The following AKIRIN2 variants were observed in gnomAD, a reference collection of about 807,000 sequenced individuals.
AKIRIN2 encodes akirin-2.
A neutral mutation model predicts 29.3 loss-of-function variants in AKIRIN2; 6 were observed. The ratio of observed to expected loss-of-function variants is 0.20; its 90% confidence interval spans 0.11 to 0.40. AKIRIN2 has a LOEUF of 0.40. Ranked by LOEUF, AKIRIN2 falls within the 10% of genes least tolerant of loss-of-function variation. The probability of loss-of-function intolerance (pLI) is 1.00; values close to 1 mark genes in which losing one functional copy is unlikely to be tolerated. For synonymous variants in AKIRIN2, 128 were observed against 117.5 expected, an observed-to-expected ratio of 1.09 and a Z score of -0.58; for missense variants, 210 against 276.1, an observed-to-expected ratio of 0.76 and a Z score of 1.70.
At chr6:87,694,680 GC>G (rs1771330410) in intron 1 of AKIRIN2, among the ~76,000 whole-genome samples, 1 of 152,162 alleles carries the variant, frequency 6.6e-6, no homozygotes, top group Non-Finnish European at 1.5e-5. Context: ...AAGATGATCT[GC>G]CTGTGACACT....
chr6:87,700,089 C>A (rs1771432808), intron 1 of AKIRIN2, among the ~76,000 whole-genome samples: 1 of 151,454 alleles, frequency 6.6e-6, no homozygotes, highest in Non-Finnish European at 1.5e-5. Context: ...CCTTTTCAAT[C>A]TAATTAAAAC....
chr6:87,701,663 T>C lies in AKIRIN2; in HGVS notation c.22A>G (p.Lys8Glu). ...AGCGGGTCGAAATCCAGAGTCCTTT[T>C]CAGAGTGGCTCCGCACGCCATGGCC... is the stretch of plus-strand genomic sequence containing the variant. MACGATL[K>E]RTLDFDPLLS... The change falls in exon 1 of 5, where the codon AAA becomes GAA. Residue 8 changes from lysine to glutamate, a missense_variant. This residue lies in a region of AKIRIN2 where 199 missense variants were observed against 236.5 expected (regional missense o/e 0.84). Coordinates refer to ENST00000257787, the MANE Select transcript of AKIRIN2 (RefSeq NM_018064.4). 6.8e-7 allele frequency: 1 copy of C among 1,462,096 alleles called. No individual in the cohort carries two copies. Among genetic ancestry groups the C allele is most frequent in the Non-Finnish European group, 9.0e-7 (1 of 1,110,832 alleles). 90.6% of individuals were successfully genotyped at this position (1,462,096 alleles called of 1,614,324 possible). A position where few individuals can be genotyped will look rare whatever the true frequency, so the allele number is the denominator to read the frequency against.
chr6:87,678,229 G>C (rs1771057227), intron 2 of AKIRIN2, among the ~76,000 whole-genome samples: 2 of 152,216 alleles, frequency 1.3e-5, no homozygotes, highest in African/African-American at 4.8e-5. Context: ...ACATAAGAAA[G>C]GTTGGGCGTG....
rs954177762 is a variant in AKIRIN2 at position 87,701,642 on chromosome 6, G to A, written c.43C>T (p.Pro15Ser). 2 of 1,468,360 alleles carry A rather than the reference G, an allele frequency of 1.4e-6. No individual in the cohort carries two copies. The highest frequency in any genetic ancestry group is 2.6e-5 in the Admixed American group (1 of 37,974). The allele number at this position is 1,468,360 out of a possible 1,614,324, so 91.0% of individuals were successfully genotyped here. Reference protein sequence around the residue: ...ATLKRTLDFDPLLSPASPKRR... With the variant: ...ATLKRTLDFDSLLSPASPKRR... ...TTCGGGGACGCCGGGCTCAACAGCG[G>A]GTCGAAATCCAGAGTCCTTTTCAGA... The change falls in exon 1 of 5, where the codon CCG (proline) becomes TCG (serine). Residue 15 changes from proline (P) to serine (S), a missense_variant. By Grantham distance (74) the Pro-to-Ser change is moderately conservative (BLOSUM62 -1). Around this residue, in one of 2 missense-constraint regions of AKIRIN2, gnomAD observed 199 missense variants for 236.5 expected, o/e 0.84. Transcript: ENST00000257787.
chr6:87,693,348 T>C (rs1293678147), intron 1 of AKIRIN2, among the ~76,000 whole-genome samples: 2 of 151,934 alleles, frequency 1.3e-5, no homozygotes, highest in Admixed American at 1.3e-4. Context: ...CATCCAGAAA[T>C]GTATATAAGG....
intron 1 of AKIRIN2, among the ~76,000 whole-genome samples, chr6:87,685,303 C>T (rs1016528961): frequency 6.6e-6 from 1 of 152,204 alleles, no homozygotes; most frequent in African/African-American, 2.4e-5. Flanking sequence ...AAGCTGATAA[C>T]TCAAGAAATT....
At chr6:87,699,882 T>C (rs1771429563) in intron 1 of AKIRIN2, among the ~76,000 whole-genome samples, 1 of 152,222 alleles carries the variant, frequency 6.6e-6, no homozygotes, top group East Asian at 1.9e-4. Flanking sequence ...GACTGAAATG[T>C]ATTGCTGGTT....
intron 1 of AKIRIN2, among the ~76,000 whole-genome samples, chr6:87,694,738 A>C (rs1237188602): frequency 6.6e-6 from 1 of 152,208 alleles, no homozygotes; most frequent in African/African-American, 2.4e-5. Context: ...CCCCAAGACA[A>C]ACTAAAAGTA....
chr6:87,691,174 T>C (rs1211060473), intron 1 of AKIRIN2, among the ~76,000 whole-genome samples: 2 of 151,886 alleles, frequency 1.3e-5, no homozygotes, highest in Non-Finnish European at 2.9e-5. Flanking sequence ...CTGGGCGTGG[T>C]GGCTCACACC....
intron 1 of AKIRIN2, among the ~76,000 whole-genome samples, chr6:87,694,515 G>T (rs1271801568): frequency 4.6e-5 from 7 of 152,108 alleles, no homozygotes; most frequent in African/African-American, 1.7e-4. Flanking sequence ...GTTCATAAGG[G>T]TTCGAACAAG....
intron 2 of AKIRIN2, among the ~76,000 whole-genome samples, chr6:87,679,071 G>A (rs1363541979): frequency 6.7e-6 from 1 of 149,670 alleles, no homozygotes; most frequent in East Asian, 2.0e-4. Context: ...GGAGGCGGAG[G>A]TTGCAGTGAG....
rs1382558568 is a variant in AKIRIN2 at position 87,682,148 on chromosome 6, CTGCCTTTAT to C, written c.236-394_236-386del. Among the ~76,000 whole-genome samples the C allele has an allele frequency of 5.9e-5, 9 of 152,334 alleles. No individual in the cohort carries two copies. In the East Asian group the frequency reaches 1.7e-3, roughly 29 times the overall value. On this transcript the variant is annotated intron_variant, in intron 1 of 4. Coordinates refer to ENST00000257787, the MANE Select transcript of AKIRIN2 (RefSeq NM_018064.4). Reference sequence around the variant, plus strand: ...TAACAGGCTTTTCCAACTGCCTTTACTGCCTTTATGCCTTTTCCAAGCCCATAAATAAGA... The same window carrying C: ...TAACAGGCTTTTCCAACTGCCTTTACGCCTTTTCCAAGCCCATAAATAAGA...
At position 87,681,660 on chromosome 6, in the gene AKIRIN2, T is replaced by G; in HGVS notation, c.339A>C (p.Ala113=). ...QQTDPCCTSD[A]QPHAFLLSGP... is the part of the protein sequence containing the mutation. ...CACTGAGGAGAAATGCATGTGGCTG[T>G]GCATCAGAAGTACAACACGGATCTG... Residue 113 remains alanine, a synonymous_variant, in exon 2 of 5, where the codon GCA becomes GCC. Coordinates refer to ENST00000257787, the MANE Select transcript of AKIRIN2 (RefSeq NM_018064.4). 6.2e-7 allele frequency: 1 copy of G among 1,613,298 alleles called. No homozygotes were observed. Among genetic ancestry groups the G allele is most frequent in the East Asian group, 2.2e-5 (1 of 44,840 alleles).
At position 87,701,907 on chromosome 6, in the gene AKIRIN2, G is replaced by A. The variant is rs1771475022; in HGVS notation, c.-223C>T. Reference sequence around the variant, plus strand: ...GGGACGGCCCGGGTGAGAGCGGGAGGGGCGGTGGCGGGCAGAAGCACACGC... The same window carrying A: ...GGGACGGCCCGGGTGAGAGCGGGAGAGGCGGTGGCGGGCAGAAGCACACGC... On this transcript the variant is annotated 5_prime_UTR_variant, in exon 1 of 5. Coordinates refer to ENST00000257787, the MANE Select transcript of AKIRIN2 (RefSeq NM_018064.4). 1 of 412,946 alleles carries A rather than the reference G, an allele frequency of 2.4e-6. No homozygotes were observed. Among genetic ancestry groups the A allele is most frequent in the Admixed American group, 4.4e-5 (1 of 22,922 alleles). 25.6% of individuals were successfully genotyped at this position (412,946 alleles called of 1,614,324 possible).
rs763519737 is a variant in AKIRIN2, at chr6:87,701,641, G to A, written c.44C>T (p.Pro15Leu). 1.1e-5 allele frequency: 16 copies of A among 1,467,926 alleles called. No homozygotes were observed. Among genetic ancestry groups the A allele is most frequent in the East Asian group, 8.0e-5 (3 of 37,566 alleles). 90.9% of individuals were successfully genotyped at this position (1,467,926 alleles called of 1,614,324 possible). A position where few individuals can be genotyped will look rare whatever the true frequency, so the allele number is the denominator to read the frequency against. Reference protein sequence around the residue: ...ATLKRTLDFDPLLSPASPKRR... With the variant: ...ATLKRTLDFDLLLSPASPKRR... ...CTTCGGGGACGCCGGGCTCAACAGC[G>A]GGTCGAAATCCAGAGTCCTTTTCAG... Residue 15 changes from proline to leucine, a missense_variant, in exon 1 of 5, where the codon CCG (proline) becomes CTG (leucine). This residue lies in a region of AKIRIN2 where 199 missense variants were observed against 236.5 expected (regional missense o/e 0.84). Coordinates refer to ENST00000257787, the MANE Select transcript of AKIRIN2 (RefSeq NM_018064.4).
chr6:87,687,817 C>T (rs1227183567), intron 1 of AKIRIN2, among the ~76,000 whole-genome samples: 3 of 152,070 alleles, frequency 2.0e-5, no homozygotes, highest in African/African-American at 4.8e-5. Flanking sequence ...TAAGTATTTT[C>T]TCAAATAACT....
At chr6:87,676,186 C>A (rs564042635) in intron 3 of AKIRIN2, among the ~76,000 whole-genome samples, 1 of 151,886 alleles carries the variant, frequency 6.6e-6, no homozygotes, top group South Asian at 2.1e-4. Context: ...AGGCTGGGAC[C>A]GGGTGCGGTG....
chr6:87,687,992 G>A (rs1205515393), intron 1 of AKIRIN2, among the ~76,000 whole-genome samples: 1 of 152,102 alleles, frequency 6.6e-6, no homozygotes, highest in Non-Finnish European at 1.5e-5. Context: ...AATTAGCCAG[G>A]TGCGGTGGCT....
chr6:87,697,477 A>G (rs113721294), intron 1 of AKIRIN2, among the ~76,000 whole-genome samples: 127 of 152,352 alleles, frequency 8.3e-4, no homozygotes, highest in African/African-American at 2.8e-3. Flanking sequence ...TACAAAGACC[A>G]TTAAAAACAT....
Sources: gnomAD v4.1 joint callset for allele counts (sites outside exome capture counted in the v4.1 genomes callset) on GRCh38, gnomAD v4.1.1 for gene constraint, gnomAD v4.1.1 regional missense constraint, MANE v1.5 for transcripts, NCBI Gene and HGNC (gene_info 2026-07-23, HGNC 2026-07-21) for gene names.